Variants in DDX11 observed in about 807,000 individuals in gnomAD.
The protein encoded by DDX11 is DEAD/H-box helicase 11, also known as ATP-dependent DNA helicase DDX11.
DDX11 carries 72 observed loss-of-function variants against 125.2 expected under a neutral mutation model. That is an observed-to-expected ratio of 0.58 (90% confidence interval 0.48 to 0.70). DDX11 has a LOEUF of 0.70. DDX11 is among the 30% of genes least tolerant of loss of function. DDX11 has a pLI of 0.00. For missense variants in DDX11, 883 were observed against 1,165.0 expected, an observed-to-expected ratio of 0.76 and a Z score of 3.52; for synonymous variants, 347 against 452.6, an observed-to-expected ratio of 0.77 and a Z score of 2.96.
Position 31,084,170 on chromosome 12 carries a change from G to A in DDX11, c.393+109G>A, listed in dbSNP as rs529438678. 51 of 1,457,500 alleles carry A rather than the reference G, an allele frequency of 3.5e-5. No homozygotes were observed. In the East Asian group the frequency reaches 6.8e-4, roughly 20 times the overall value. The allele number at this position is 1,457,500 out of a possible 1,614,324, so 90.3% of individuals were successfully genotyped here. A position where few individuals can be genotyped will look rare whatever the true frequency, so the allele number is the denominator to read the frequency against. On this transcript the variant is annotated intron_variant, in intron 3 of 26. Transcript: ENST00000542838. ...CAGTGCATGCTCCCCTGCCGTTGCC[G>A]TGCCTCTCAGCTCTTCCCTCAGCTC...
chr12:31,101,214 T>G (rs1235348403), intron 20 of DDX11, 84 bp downstream of exon 20: 9 of 1,204,766 alleles, frequency 7.5e-6, no homozygotes, highest in African/African-American at 3.0e-5. Flanking sequence ...TGGCCCACCC[T>G]GAGTGTTTTC....
At chr12:31,103,247 G>A in intron 24 of DDX11, 70 bp from the exon 25 acceptor site, 1 of 1,571,632 alleles carries the variant, frequency 6.4e-7, no homozygotes. Flanking sequence ...TCCAAAGCCT[G>A]GCAGGGTCTT....
At chr12:31,075,926 G>A (rs1439863907) in intron 1 of DDX11, among the ~76,000 whole-genome samples, 3 of 152,042 alleles carry the variant, frequency 2.0e-5, no homozygotes, top group African/African-American at 7.2e-5. Context: ...GAGGAGTGGG[G>A]GTGGTGTTTG....
At chr12:31,082,362 C>T (rs2543265) in intron 2 of DDX11, among the ~76,000 whole-genome samples, 1 of 151,902 alleles carries the variant, frequency 6.6e-6, no homozygotes, top group Non-Finnish European at 1.5e-5. Flanking sequence ...AGGAAGGTGC[C>T]GCTGTTGTCA....
intron 2 of DDX11, among the ~76,000 whole-genome samples, chr12:31,081,293 C>T (rs1483657679): frequency 1.3e-5 from 2 of 152,204 alleles, no homozygotes; most frequent in African/African-American, 4.8e-5. Context: ...CCTGGGTGTC[C>T]CGCAGCCCAT....
rs1219251823 is a variant in DDX11, at chr12:31,104,015, A to G, written c.*179A>G. 4 of 1,554,634 alleles carry G rather than the reference A, an allele frequency of 2.6e-6. No individual in the cohort carries two copies. The Admixed American group carries it at 7.8e-5, about 30-fold the overall frequency. On this transcript the variant is annotated 3_prime_UTR_variant, in exon 27 of 27. Transcript: ENST00000542838. ...CAGGCGTTAGCTCCCGTAGGAGAAA[A>G]TGGGGGAATCCTGAATGAACAGTGG... is the stretch of plus-strand genomic sequence containing the variant.
chr12:31,079,066 C>T (rs1325348420), intron 2 of DDX11, among the ~76,000 whole-genome samples: 1 of 152,150 alleles, frequency 6.6e-6, no homozygotes, highest in African/African-American at 2.4e-5. Context: ...GTAGATGAGA[C>T]GGCTTTCTTA....
chr12:31,095,266 C>T (rs1242290362), intron 14 of DDX11, among the ~76,000 whole-genome samples: 1 of 152,232 alleles, frequency 6.6e-6, no homozygotes, highest in East Asian at 1.9e-4. Flanking sequence ...CCGCCTGAAC[C>T]CCAAGCTCGT....
In DDX11 at chr12:31,085,946, C is replaced by T. The variant is rs540864988; in HGVS notation, c.638+820C>T. On this transcript the variant is annotated intron_variant, in intron 5 of 26. Coordinates refer to ENST00000542838, the MANE Select transcript of DDX11 (RefSeq NM_030653.4). ...GTGACATCCTGGCCACCACATCTGT[C>T]GGAGGGTAACTGCAAGACCAGAGAC... 4.0e-4 allele frequency: 178 copies of T among 445,662 alleles called. 1 individual carries two copies. In the Middle Eastern group the frequency reaches 5.1e-3, roughly 13 times the overall value. The allele number at this position is 445,662 out of a possible 1,614,324, so 27.6% of individuals were successfully genotyped here.
rs377010461 is a variant in DDX11 at position 31,096,602 on chromosome 12, C to T, written c.1522-35C>T. 1.7e-4 allele frequency: 268 copies of T among 1,610,118 alleles called. 2 individuals are homozygous for T. The African/African-American group carries it at 3.2e-3, about 19-fold the overall frequency. ...CAGCCTCTCTCTCATGGCTGTACCT[C>T]GTTCCTCTCCACTGCTCTCTCTCAT... On this transcript the variant is annotated intron_variant, in intron 15 of 26. Transcript: ENST00000542838.
chr12:31,091,202 G>C (rs1366308295), intron 9 of DDX11: 1 of 152,886 alleles, frequency 6.5e-6, no homozygotes, highest in South Asian at 2.1e-4. Flanking sequence ...AACACCTAAA[G>C]ATGTGCAGAG....
chr12:31,074,855 C>T (rs1383301685), intron 1 of DDX11, among the ~76,000 whole-genome samples: 2 of 152,230 alleles, frequency 1.3e-5, no homozygotes, highest in Admixed American at 6.5e-5. Context: ...GCCCCGGCTG[C>T]CATGACAAAA....
intron 12 of DDX11, 56 bp downstream of exon 12, chr12:31,093,380 T>C: frequency 6.2e-7 from 1 of 1,607,502 alleles, no homozygotes; most frequent in Non-Finnish European, 8.5e-7. Flanking sequence ...TGGGCTGCTT[T>C]TTCCTTGGAT....
chr12:31,102,580 C>A, intron 23 of DDX11, 53 bp downstream of exon 23: 1 of 1,539,492 alleles, frequency 6.5e-7, no homozygotes, highest in Non-Finnish European at 9.0e-7. Flanking sequence ...CCGGCCCTCA[C>A]TCCCAGCAGC....
intron 14 of DDX11, 116 bp from the exon 15 acceptor site, chr12:31,096,225 A>C (rs1455566682): frequency 7.7e-7 from 1 of 1,304,616 alleles, no homozygotes; most frequent in South Asian, 1.3e-5. Context: ...GGTGCCTCAG[A>C]AGGTAGCACT....
At chr12:31,084,272 T>C (rs1433712204) in intron 3 of DDX11, among the ~76,000 whole-genome samples, 1 of 152,224 alleles carries the variant, frequency 6.6e-6, no homozygotes, top group African/African-American at 2.4e-5. Flanking sequence ...TAAGGAACTG[T>C]TGGTGCCCAT....
In DDX11 at chr12:31,088,027, C is replaced by G. The variant is rs754792152; in HGVS notation, c.684+44C>G. On this transcript the variant is annotated intron_variant, in intron 6 of 26. Transcript: ENST00000542838. ...GCTGGTGCTGTGCTGGGGGTATAGG[C>G]TGGGCTGTGCACCCCTGGGGAGGAG... is the stretch of plus-strand genomic sequence containing the variant. 1.2e-5 allele frequency: 19 copies of G among 1,605,686 alleles called. 1 individual carries two copies. The Middle Eastern group carries it at 2.0e-3, about 168-fold the overall frequency.
At chr12:31,093,721 A>G (rs1341446066) in intron 12 of DDX11, 2 of 65,158 alleles carry the variant, frequency 3.1e-5, no homozygotes, top group Non-Finnish European at 5.6e-5. Flanking sequence ...AATCAGTCTC[A>G]AAAAAAAAAA....
intron 26 of DDX11, 36 bp downstream of exon 26, chr12:31,103,767 A>T (rs1802369799): frequency 6.2e-7 from 1 of 1,612,906 alleles, no homozygotes; most frequent in Non-Finnish European, 8.5e-7. Context: ...GAGCCTCCCC[A>T]CCCCGAGATC....
Sources: allele counts gnomAD v4.1 joint callset (sites outside exome capture counted in the v4.1 genomes callset), GRCh38; gene constraint gnomAD v4.1.1; transcripts MANE v1.5; gene names NCBI Gene and HGNC (gene_info 2026-07-23, HGNC 2026-07-21).